TUBA3E: variants seen among roughly 807,000 people sequenced by gnomAD.
TUBA3E encodes tubulin alpha-3E chain.
TUBA3E carries 21 observed loss-of-function variants against 36.7 expected under a neutral mutation model. The observed-to-expected ratio is 0.57, with a 90% CI of 0.41 to 0.83. TUBA3E has a LOEUF of 0.83. Ranked by LOEUF, TUBA3E falls within the 40% of genes least tolerant of loss-of-function variation. TUBA3E has a pLI of 0.00. For synonymous variants in TUBA3E, 177 were observed against 241.9 expected (o/e 0.73, Z 2.49); for missense variants, 469 against 604.2 (o/e 0.78, Z 2.35).
In TUBA3E at chr2:130,198,404, A is replaced by G; in HGVS notation, c.-44T>C. On this transcript the variant is annotated 5_prime_UTR_variant, in exon 1 of 5. Coordinates refer to ENST00000312988, the MANE Select transcript of TUBA3E (RefSeq NM_207312.3). ...AGCCCAACGCTACTTCCAGACCTCA[A>G]CCGGCTGCCACAGCTGCTGAGCGCC... is the stretch of plus-strand genomic sequence containing the variant. 2 of 1,353,604 alleles carry G rather than the reference A, an allele frequency of 1.5e-6. 1 individual carries two copies. The highest frequency in any genetic ancestry group is 2.0e-6 in the Non-Finnish European group (2 of 993,704). 83.8% of individuals were successfully genotyped at this position (1,353,604 alleles called of 1,614,324 possible). A position where few individuals can be genotyped will look rare whatever the true frequency, so the allele number is the denominator to read the frequency against.
chr2:130,197,601 A>G (rs1470661248), intron 1 of TUBA3E, among the ~76,000 whole-genome samples: 1 of 127,554 alleles, frequency 7.8e-6, no homozygotes, highest in Non-Finnish European at 1.7e-5. Flanking sequence ...TGTTATGTTA[A>G]TGGGCTGCTT....
rs1690456401 is a variant in TUBA3E at position 130,198,110 on chromosome 2, G to A, written c.3+248C>T. Among the ~76,000 whole-genome samples, 4 of 122,748 alleles carry A rather than the reference G, an allele frequency of 3.3e-5. 1 individual carries two copies. In the South Asian group the frequency reaches 1.1e-3, roughly 35 times the overall value. 80.5% of individuals were successfully genotyped at this position (122,748 alleles called of 152,430 possible). ...GCGACGCCACTATTTGCTCTCTGGG[G>A]GACGGGATACCGTCAATGGTCCCCG... On this transcript the variant is annotated intron_variant, in intron 1 of 4. Transcript: ENST00000312988.
In TUBA3E at chr2:130,195,096, C is replaced by G; in HGVS notation, c.358G>C (p.Asp120His). The part of the protein sequence containing the change: ...IGKEIVDLVL[D>H]RIRKLADLCT... The stretch of plus-strand genomic sequence containing the variant: ...CTTCTTACCAGTTTGCGGATCCGGT[C>G]CAGGACTAGGTCAACAATCTCCTTG... Residue 120 changes from aspartate to histidine, a missense_variant, in exon 3 of 5, where the codon GAC becomes CAC. This residue lies in a region of TUBA3E where 169 missense variants were observed against 239.0 expected (regional missense o/e 0.71). Coordinates refer to ENST00000312988, the MANE Select transcript of TUBA3E (RefSeq NM_207312.3). 2 of 1,613,114 alleles carry G rather than the reference C, an allele frequency of 1.2e-6. No homozygotes were observed. The highest frequency in any genetic ancestry group is 1.7e-6 in the Non-Finnish European group (2 of 1,179,498).
chr2:130,196,295 T>C lies in TUBA3E; in HGVS notation c.80A>G (p.Glu27Gly), dbSNP rs532379394. The C allele has an allele frequency of 5.0e-6, 8 of 1,614,084 alleles. No individual in the cohort carries two copies. Among genetic ancestry groups the C allele is most frequent in the Admixed American group, 3.3e-5 (2 of 60,016 alleles). ...TTGACCATCGGGCTGAATTCCATGTTCAAGGCAGTACAGTTCCCAGCAGGC... is the reference window on the plus strand; with the variant it reads ...TTGACCATCGGGCTGAATTCCATGTCCAAGGCAGTACAGTTCCCAGCAGGC... ...GNACWELYCL[E>G]HGIQPDGQMP... Residue 27 changes from glutamate to glycine, a missense_variant, in exon 2 of 5, where the codon GAA becomes GGA. Physicochemically the swap from Glu to Gly is moderately conservative, Grantham distance 98. Transcript: ENST00000312988.
At position 130,194,288 on chromosome 2, in the gene TUBA3E, T is replaced by C. The variant is rs528985832; in HGVS notation, c.554A>G (p.Tyr185Cys). Residue 185 changes from tyrosine (Y) to cysteine (C), a missense_variant, in exon 4 of 5, where the codon TAC (tyrosine) becomes TGC (cysteine). Tyr to Cys is a radical substitution (Grantham distance 194). Coordinates refer to ENST00000312988, the MANE Select transcript of TUBA3E (RefSeq NM_207312.3). ...PQVSTAVVEP[Y>C]NSILTTHTTL... The stretch of plus-strand genomic sequence containing the variant: ...CGTGTGGGTGGTTAGGATGGAGTTG[T>C]AGGGCTCCACCACGGCTGTGGAGAC... The C allele has an allele frequency of 2.4e-5, 38 of 1,604,500 alleles. No individual in the cohort carries two copies. In the Admixed American group the frequency reaches 4.7e-4, roughly 20 times the overall value.
Position 130,194,093 on chromosome 2 carries a change from A to G in TUBA3E, c.749T>C (p.Val250Ala). 2 of 1,614,214 alleles carry G rather than the reference A, an allele frequency of 1.2e-6. No individual in the cohort carries two copies. Among genetic ancestry groups the G allele is most frequent in the Non-Finnish European group, 1.7e-6 (2 of 1,180,032 alleles). ...GTTGGTCTGGAATTCCGTCAAGTCC[A>G]CATTCAGGGCCCCATCAAATCGCAG... is the stretch of plus-strand genomic sequence containing the variant. ...ASLRFDGALN[V>A]DLTEFQTNLV... Residue 250 changes from valine (V) to alanine (A), a missense_variant, in exon 4 of 5, where the codon GTG (valine) becomes GCG (alanine). Physicochemically the swap from Val to Ala is moderately conservative, Grantham distance 64. Around this residue, in one of 3 missense-constraint regions of TUBA3E, gnomAD observed 296 missense variants for 346.9 expected, o/e 0.85. Coordinates refer to ENST00000312988, the MANE Select transcript of TUBA3E (RefSeq NM_207312.3).
At chr2:130,192,189 A>G (rs1690280906) in intron 4 of TUBA3E, 62 bp from the exon 5 acceptor site, 1 of 1,545,178 alleles carries the variant, frequency 6.5e-7, no homozygotes, top group South Asian at 1.3e-5. Flanking sequence ...AATGGTAGCT[A>G]CTTCTCCTCA....
rs188142199 is a variant in TUBA3E, at chr2:130,193,822, A to G, written c.1020T>C (p.Thr340=). Reference sequence around the variant, plus strand: ...TCGGGCACCAATCCACAAACTGGATAGTGCGCTTGGTCTTGATGGTGGCGA... The same window carrying G: ...TCGGGCACCAATCCACAAACTGGATGGTGCGCTTGGTCTTGATGGTGGCGA... ...AAIATIKTKR[T]IQFVDWCPTG... Residue 340 remains threonine (T), a synonymous_variant, in exon 4 of 5, where the codon ACT becomes ACC. Coordinates refer to ENST00000312988, the MANE Select transcript of TUBA3E (RefSeq NM_207312.3). 457 of 1,613,174 alleles carry G rather than the reference A, an allele frequency of 2.8e-4. 2 individuals carry two copies. The highest frequency in any genetic ancestry group is 1.5e-3 in the South Asian group (141 of 91,018).
Position 130,195,123 on chromosome 2 carries a change from C to G in TUBA3E, c.331G>C (p.Gly111Arg). Residue 111 changes from glycine to arginine, a missense_variant, in exon 3 of 5, where the codon GGC (glycine) becomes CGC (arginine). Physicochemically the swap from Gly to Arg is moderately radical, Grantham distance 125. Coordinates refer to ENST00000312988, the MANE Select transcript of TUBA3E (RefSeq NM_207312.3). ...AGGACTAGGTCAACAATCTCCTTGC[C>G]GATGGTGTAATGGCCCCTGGCGTAA... ...SNYARGHYTI[G>R]KEIVDLVLDR... is the part of the protein sequence containing the mutation. 2 of 1,612,918 alleles carry G rather than the reference C, an allele frequency of 1.2e-6. No individual in the cohort carries two copies. The highest frequency in any genetic ancestry group is 1.7e-6 in the Non-Finnish European group (2 of 1,179,494).
In TUBA3E at chr2:130,194,174, G is replaced by C; in HGVS notation, c.668C>G (p.Thr223Arg). 6.2e-7 allele frequency: 1 copy of C among 1,613,724 alleles called. No individual in the cohort carries two copies. Among genetic ancestry groups the C allele is most frequent in the East Asian group, 2.2e-5 (1 of 44,866 alleles). Residue 223 changes from threonine (T) to arginine (R), a missense_variant, in exon 4 of 5, where the codon ACG becomes AGG. Physicochemically the swap from Thr to Arg is moderately conservative, Grantham distance 71. Transcript: ENST00000312988. The stretch of plus-strand genomic sequence containing the variant: ...AATCAGGCGATTGAGGTTGGTGTAC[G>C]TGGGACGTTCAATGTCCAGGTTGCG... ...CRRNLDIERP[T>R]YTNLNRLIGQ... is the part of the protein sequence containing the mutation.
At position 130,192,064 on chromosome 2, in the gene TUBA3E, C is replaced by T. The variant is rs570017945; in HGVS notation, c.1120G>A (p.Ala374Thr). 4.3e-6 allele frequency: 7 copies of T among 1,613,146 alleles called. No homozygotes were observed. The African/African-American group carries it at 6.7e-5, about 15-fold the overall frequency. Residue 374 changes from alanine (A) to threonine (T), a missense_variant, in exon 5 of 5, where the codon GCC becomes ACC. Ala to Thr is a moderately conservative substitution (Grantham distance 58). Transcript: ENST00000312988. ...PGGDLAKVQRAVCMLSNTTAI... is the reference protein window; with the variant it reads ...PGGDLAKVQRTVCMLSNTTAI... ...GTGGTGTTGCTCAGCATGCACACGG[C>T]CCGCTGCACCTTGGCCAGGTCTCCC...
intron 4 of TUBA3E, 97 bp from the exon 5 acceptor site, chr2:130,192,224 A>T (rs1690281915): frequency 1.3e-6 from 2 of 1,496,068 alleles, no homozygotes; most frequent in Admixed American, 4.6e-5. Context: ...TGTAGGTGAC[A>T]CGGAGAATGC....
Position 130,191,919 on chromosome 2 carries a change from C to T in TUBA3E, c.1265G>A (p.Arg422His), listed in dbSNP as rs370991093. The change falls in exon 5 of 5, where the codon CGC becomes CAC. Residue 422 changes from arginine to histidine, a missense_variant. Physicochemically the swap from Arg to His is conservative, Grantham distance 29. This residue lies in a region of TUBA3E where 296 missense variants were observed against 346.9 expected (regional missense o/e 0.85). Transcript: ENST00000312988. ...GMEEGEFSEA[R>H]EDLAALEKDC... ...CTTCTCTAGAGCTGCCAGGTCCTCG[C>T]GGGCCTCAGAGAACTCTCCCTCTTC... The T allele has an allele frequency of 7.4e-6, 12 of 1,613,972 alleles. No homozygotes were observed. The highest frequency in any genetic ancestry group is 2.2e-5 in the East Asian group (1 of 44,864).
In TUBA3E at chr2:130,193,848, T is replaced by C. The variant is rs1164699439; in HGVS notation, c.994A>G (p.Ile332Val). ...GTGCGCTTGGTCTTGATGGTGGCGA[T>C]GGCCGCATTGACGTCTTTGGGGACC... ...DVVPKDVNAA[I>V]ATIKTKRTIQ... The change falls in exon 4 of 5, where the codon ATC becomes GTC. Residue 332 changes from isoleucine (I) to valine (V), a missense_variant. This residue lies in a region of TUBA3E where 296 missense variants were observed against 346.9 expected (regional missense o/e 0.85). Coordinates refer to ENST00000312988, the MANE Select transcript of TUBA3E (RefSeq NM_207312.3). 6.2e-7 allele frequency: 1 copy of C among 1,614,060 alleles called. No individual in the cohort carries two copies. The highest frequency in any genetic ancestry group is 2.2e-5 in the East Asian group (1 of 44,880).
intron 1 of TUBA3E, among the ~76,000 whole-genome samples, chr2:130,198,042 A>G (rs1254352700): frequency 1.6e-5 from 2 of 123,520 alleles, no homozygotes; most frequent in African/African-American, 5.8e-5. Flanking sequence ...CCAGTAGCAC[A>G]AAGACGTGTG....
rs752991309 is a variant in TUBA3E at position 130,192,089 on chromosome 2, C to T, written c.1095G>A (p.Gly365=). The stretch of plus-strand genomic sequence containing the variant: ...CCCGCTGCACCTTGGCCAGGTCTCC[C>T]CCGGGGACCACTGTGGGGGGCTGGT... The part of the protein sequence containing the change: ...INYQPPTVVP[G]GDLAKVQRAV... Residue 365 remains glycine, a synonymous_variant, in exon 5 of 5, where the codon GGG becomes GGA. Coordinates refer to ENST00000312988, the MANE Select transcript of TUBA3E (RefSeq NM_207312.3). 1 of 1,606,962 alleles carries T rather than the reference C, an allele frequency of 6.2e-7. No individual in the cohort carries two copies. The highest frequency in any genetic ancestry group is 1.3e-5 in the African/African-American group (1 of 74,744).
chr2:130,196,432 A>T, intron 1 of TUBA3E, 61 bp from the exon 2 acceptor site: 1 of 1,570,326 alleles, frequency 6.4e-7, no homozygotes, highest in African/African-American at 1.4e-5. Flanking sequence ...ACTATATGGC[A>T]TGCAAAATAT....
rs768966233 is a variant in TUBA3E, at chr2:130,195,065, C to G, written c.375+14G>C. 1.9e-6 allele frequency: 3 copies of G among 1,611,992 alleles called. No homozygotes were observed. The highest frequency in any genetic ancestry group is 2.2e-5 in the East Asian group (1 of 44,848). On this transcript the variant is annotated intron_variant, in intron 3 of 4. Coordinates refer to ENST00000312988, the MANE Select transcript of TUBA3E (RefSeq NM_207312.3). ...CATGCAAGACAATGGCCACATGAAACCTTCTCTTCTTACCAGTTTGCGGAT... is the reference window on the plus strand; with the variant it reads ...CATGCAAGACAATGGCCACATGAAAGCTTCTCTTCTTACCAGTTTGCGGAT...
At chr2:130,197,509 G>A (rs111753432) in intron 1 of TUBA3E, among the ~76,000 whole-genome samples, 6,135 of 92,770 alleles carry the variant, frequency 0.066, 346 homozygotes, top group African/African-American at 0.12. Flanking sequence ...AAAAAAAAAA[G>A]AAAAGAAAAG....
Sources: gnomAD v4.1 joint callset for allele counts (sites outside exome capture counted in the v4.1 genomes callset) on GRCh38, gnomAD v4.1.1 for gene constraint, gnomAD v4.1.1 regional missense constraint, MANE v1.5 for transcripts, NCBI Gene and HGNC (gene_info 2026-07-23, HGNC 2026-07-21) for gene names.